Variants in LRFN5 observed in about 807,000 individuals in gnomAD.
LRFN5 encodes the protein leucine-rich repeat and fibronectin type-III domain-containing protein 5.
In LRFN5, 24 loss-of-function variants were observed where a neutral mutation model predicts 45.6. That is an observed-to-expected ratio of 0.53 (90% CI 0.38 to 0.74). The LOEUF is 0.74. Among genes scored for constraint, LRFN5 ranks in the 30% least tolerant of loss-of-function variants. The pLI, the probability that LRFN5 is intolerant of heterozygous loss-of-function variation, is 0.00. For missense variants in LRFN5, 776 were observed against 861.5 expected (o/e 0.90, Z 1.24); for synonymous variants, 340 against 313.8 (o/e 1.08, Z -0.88).
chr14:41,795,243 G>A (rs1207857068), intron 2 of LRFN5, among the ~76,000 whole-genome samples: 1 of 152,044 alleles, frequency 6.6e-6, no homozygotes, highest in Non-Finnish European at 1.5e-5. Flanking sequence ...TCTCACACCA[G>A]TTAGAATGGC....
At chr14:41,754,035 T>G (rs1885259810) in intron 1 of LRFN5, among the ~76,000 whole-genome samples, 1 of 152,206 alleles carries the variant, frequency 6.6e-6, no homozygotes, top group African/African-American at 2.4e-5. Context: ...GTGGTTTCTG[T>G]CTTTGGTTCT....
chr14:41,615,324 A>G (rs985835526), intron 1 of LRFN5, among the ~76,000 whole-genome samples: 1 of 152,102 alleles, frequency 6.6e-6, no homozygotes, highest in Non-Finnish European at 1.5e-5. Context: ...TATTTTTAGC[A>G]TGGTTGAAAG....
intron 1 of LRFN5, among the ~76,000 whole-genome samples, chr14:41,661,378 T>A (rs1880646609): frequency 6.6e-6 from 1 of 151,986 alleles, no homozygotes; most frequent in Non-Finnish European, 1.5e-5. Context: ...TTCAAAATAC[T>A]GCTGTAGTAA....
intron 2 of LRFN5, among the ~76,000 whole-genome samples, chr14:41,870,297 C>A (rs140714981): frequency 6.6e-6 from 1 of 152,252 alleles, no homozygotes; most frequent in East Asian, 1.9e-4. Flanking sequence ...AAAATACCTT[C>A]CTTCAAACGA....
At chr14:41,796,666 G>A (rs1270226506) in intron 2 of LRFN5, among the ~76,000 whole-genome samples, 1 of 151,790 alleles carries the variant, frequency 6.6e-6, no homozygotes, top group African/African-American at 2.4e-5. Context: ...CTATATCAAT[G>A]TATATTAATT....
intron 2 of LRFN5, among the ~76,000 whole-genome samples, chr14:41,825,773 G>C (rs556732275): frequency 3.6e-4 from 55 of 152,266 alleles, no homozygotes; most frequent in African/African-American, 1.2e-3. Flanking sequence ...CCCTTTGCCA[G>C]CTGGCAGCTC....
chr14:41,729,207 T>C (rs73309189), intron 1 of LRFN5, among the ~76,000 whole-genome samples: 6,817 of 152,228 alleles, frequency 0.045, 340 homozygotes, highest in African/African-American at 0.12. Flanking sequence ...CCCTTGTGAA[T>C]GGCTTAGCAC....
chr14:41,760,343 T>G (rs1352717583), intron 1 of LRFN5, among the ~76,000 whole-genome samples: 1 of 152,194 alleles, frequency 6.6e-6, no homozygotes, highest in African/African-American at 2.4e-5. Context: ...CACCTCAGTC[T>G]TCCAAAGCAG....
At chr14:41,684,130 C>T (rs527713536) in intron 1 of LRFN5, among the ~76,000 whole-genome samples, 2 of 152,252 alleles carry the variant, frequency 1.3e-5, no homozygotes, top group South Asian at 2.1e-4. Flanking sequence ...GAAACAATTT[C>T]ATACATCTAC....
At chr14:41,835,386 C>G (rs896412321) in intron 2 of LRFN5, among the ~76,000 whole-genome samples, 1 of 152,140 alleles carries the variant, frequency 6.6e-6, no homozygotes, top group Non-Finnish European at 1.5e-5. Context: ...AACAAGGGTT[C>G]AAATAAACCT....
chr14:41,868,092 CA>C (rs1889899472), intron 2 of LRFN5, among the ~76,000 whole-genome samples: 1 of 152,050 alleles, frequency 6.6e-6, no homozygotes, highest in African/African-American at 2.4e-5. Context: ...TTTTTAATCA[CA>C]TTCCTCTGTG....
chr14:41,764,222 A>C (rs548142356), intron 1 of LRFN5, among the ~76,000 whole-genome samples: 1 of 152,284 alleles, frequency 6.6e-6, no homozygotes, highest in African/African-American at 2.4e-5. Context: ...ATAGAGTGAG[A>C]TAGCCCTAGG....
chr14:41,673,972 G>A (rs1299192138), intron 1 of LRFN5, among the ~76,000 whole-genome samples: 9 of 147,510 alleles, frequency 6.1e-5, no homozygotes, highest in Admixed American at 2.0e-4. Context: ...CCTCCCGGAC[G>A]GGGTGGCTGC....
chr14:41,853,906 G>C (rs1050113957), intron 2 of LRFN5, among the ~76,000 whole-genome samples: 1 of 152,018 alleles, frequency 6.6e-6, no homozygotes, highest in African/African-American at 2.4e-5. Flanking sequence ...TGATTTACTG[G>C]TTTCTTATTC....
intron 1 of LRFN5, among the ~76,000 whole-genome samples, chr14:41,765,283 A>T (rs1447765344): frequency 2.0e-5 from 3 of 150,450 alleles, no homozygotes; most frequent in Non-Finnish European, 3.0e-5. Flanking sequence ...CGGAGGTTGC[A>T]GTGAGCCGAG....
rs146336947 is a variant in LRFN5 at position 41,745,428 on chromosome 14, T to G, written c.-196-21426T>G. Among the ~76,000 whole-genome samples the G allele has an allele frequency of 7.3e-3, 1,116 of 152,102 alleles. 8 individuals are homozygous for G. Among genetic ancestry groups the G allele is most frequent in the African/African-American group, 0.025 (1,052 of 41,516 alleles). The stretch of plus-strand genomic sequence containing the variant: ...AGCTATACATGCTTACATTTAAAAC[T>G]AAGAAAGCTCTTCATTGAACAACCC... On this transcript the variant is annotated intron_variant, in intron 1 of 5. Transcript: ENST00000298119.
intron 1 of LRFN5, among the ~76,000 whole-genome samples, chr14:41,711,732 A>G (rs967083789): frequency 1.5e-4 from 23 of 152,210 alleles, no homozygotes; most frequent in Non-Finnish European, 4.4e-5. Context: ...TTAATGTAAA[A>G]TCACAGGAAT....
chr14:41,845,921 C>T, intron 2 of LRFN5, among the ~76,000 whole-genome samples: 1 of 152,064 alleles, frequency 6.6e-6, no homozygotes, highest in East Asian at 1.9e-4. Flanking sequence ...AGAGCTAAAA[C>T]TAATAGGAAA....
At chr14:41,674,597 A>G (rs1444471226) in intron 1 of LRFN5, among the ~76,000 whole-genome samples, 77 of 99,096 alleles carry the variant, frequency 7.8e-4, no homozygotes, top group South Asian at 1.9e-3. Context: ...CTGGCCGGGC[A>G]GGGGGCTGAC....
Sources: gnomAD v4.1 joint callset for allele counts (sites outside exome capture counted in the v4.1 genomes callset) on GRCh38, gnomAD v4.1.1 for gene constraint, MANE v1.5 for transcripts, NCBI Gene and HGNC (gene_info 2026-07-23, HGNC 2026-07-21) for gene names.